Variants in RBM19 observed in about 807,000 individuals in gnomAD.
RBM19 encodes RNA binding motif protein 19.
In RBM19, 94 loss-of-function variants were observed where a neutral mutation model predicts 116.8. The ratio of observed to expected loss-of-function variants is 0.80; its 90% confidence interval spans 0.68 to 0.95. The LOEUF (loss-of-function observed/expected upper bound fraction) is 0.95, where lower values mean the gene tolerates loss of function less well. RBM19 is among the 40% of genes least tolerant of loss of function. RBM19 has a pLI of 0.00. For synonymous variants in RBM19, 475 were observed against 494.1 expected, an observed-to-expected ratio of 0.96 and a Z score of 0.51; for missense variants, 1,161 against 1,220.7, an observed-to-expected ratio of 0.95 and a Z score of 0.73.
intron 13 of RBM19, among the ~76,000 whole-genome samples, chr12:113,945,419 C>T (rs1254385559): frequency 6.6e-6 from 1 of 152,144 alleles, no homozygotes; most frequent in African/African-American, 2.4e-5. Context: ...TGGTGTCCTC[C>T]CACCTCCACC....
chr12:113,879,121 C>G (rs956970438), intron 21 of RBM19, among the ~76,000 whole-genome samples: 12 of 152,150 alleles, frequency 7.9e-5, no homozygotes, highest in Non-Finnish European at 1.6e-4. Context: ...CCCATCCTGC[C>G]CTGGGAGCTT....
chr12:113,965,274 T>A (rs1339553132), intron 1 of RBM19, among the ~76,000 whole-genome samples: 2 of 127,514 alleles, frequency 1.6e-5, no homozygotes, highest in African/African-American at 6.5e-5. Context: ...AGAGCCAGAC[T>A]CCGTTTAAAA....
chr12:113,832,554 C>T (rs1875518406), intron 23 of RBM19, among the ~76,000 whole-genome samples: 1 of 152,224 alleles, frequency 6.6e-6, no homozygotes, highest in South Asian at 2.1e-4. Context: ...CCCACCCAGT[C>T]TCGGCCTTTC....
intron 16 of RBM19, among the ~76,000 whole-genome samples, chr12:113,927,597 A>C (rs576970895): frequency 3.7e-3 from 342 of 92,136 alleles, no homozygotes; most frequent in African/African-American, 0.013. Flanking sequence ...AAAACAAAAA[A>C]AAAAAAACAA....
In RBM19 at chr12:113,857,515, G is replaced by A. The variant is rs190007541; in HGVS notation, c.2664+1276C>T. Among the ~76,000 whole-genome samples, 260 of 152,364 alleles carry A rather than the reference G, an allele frequency of 1.7e-3. 1 individual carries two copies. The highest frequency in any genetic ancestry group is 3.4e-3 in the Middle Eastern group (1 of 294). On this transcript the variant is annotated intron_variant, in intron 22 of 23. Coordinates refer to ENST00000261741, the MANE Select transcript of RBM19 (RefSeq NM_016196.4). The stretch of plus-strand genomic sequence containing the variant: ...GCCCTGAGCCAACACAGGGCACCAC[G>A]TGCCTGCCCCGCTGTGAGGGTGAGG...
At chr12:113,936,124 A>C (rs1478867609) in intron 16 of RBM19, among the ~76,000 whole-genome samples, 3 of 152,368 alleles carry the variant, frequency 2.0e-5, no homozygotes, top group Non-Finnish European at 4.4e-5. Context: ...CCTTTAAAAA[A>C]AAATGAGAAC....
intron 13 of RBM19, among the ~76,000 whole-genome samples, chr12:113,945,066 T>A (rs1870905440): frequency 1.3e-5 from 2 of 152,196 alleles, no homozygotes; most frequent in African/African-American, 2.4e-5. Flanking sequence ...AGAGTTAACA[T>A]TGGAGATTTC....
At position 113,966,275 on chromosome 12, in the gene RBM19, T is replaced by C. The variant is rs1872863866; in HGVS notation, c.-48A>G. The C allele has an allele frequency of 5.6e-6, 9 of 1,609,860 alleles. No homozygotes were observed. The highest frequency in any genetic ancestry group is 7.6e-6 in the Non-Finnish European group (9 of 1,178,822). ...GATTCCAACACGACTGGTCAGCGTC[T>C]TCCACCAAGTTTCACGCTACCGCCC... On this transcript the variant is annotated 5_prime_UTR_variant, in exon 1 of 24. Coordinates refer to ENST00000261741, the MANE Select transcript of RBM19 (RefSeq NM_016196.4).
At chr12:113,865,498 T>C (rs1414737663) in intron 21 of RBM19, among the ~76,000 whole-genome samples, 1 of 152,216 alleles carries the variant, frequency 6.6e-6, no homozygotes, top group Non-Finnish European at 1.5e-5. Flanking sequence ...ATGGCTCTTA[T>C]ACTCTGTTGT....
intron 1 of RBM19, among the ~76,000 whole-genome samples, chr12:113,965,292 AC>A (rs1872779986): frequency 6.7e-6 from 1 of 150,312 alleles, no homozygotes; most frequent in African/African-American, 2.5e-5. Flanking sequence ...AAAAAAAAAA[AC>A]AAAAAAAGAA....
Position 113,959,864 on chromosome 12 carries a change from CCTT to C in RBM19, c.376_378del (p.Lys126del). On this transcript the variant is annotated inframe_deletion and splice_region_variant, in exon 4 of 24. Coordinates refer to ENST00000261741, the MANE Select transcript of RBM19 (RefSeq NM_016196.4). ...CTCCTTGGGCAACAGGACAGACTCA[CCTT>C]CTCCAGTTGACCTGCCACCTTTTTC... 1 of 1,614,172 alleles carries C rather than the reference CCTT, an allele frequency of 6.2e-7. No individual in the cohort carries two copies. The highest frequency in any genetic ancestry group is 8.5e-7 in the Non-Finnish European group (1 of 1,180,024).
intron 2 of RBM19, 22 bp from the exon 3 acceptor site, chr12:113,960,200 T>A: frequency 9.9e-6 from 16 of 1,612,636 alleles, no homozygotes; most frequent in Non-Finnish European, 1.4e-5. Flanking sequence ...AGAGAGTGAT[T>A]TTCACACCTG....
intron 23 of RBM19, among the ~76,000 whole-genome samples, chr12:113,835,097 G>A (rs1002452263): frequency 2.6e-5 from 4 of 152,100 alleles, no homozygotes; most frequent in Non-Finnish European, 4.4e-5. Context: ...AGTGCCGACC[G>A]CACACCTGGC....
At chr12:113,945,043 C>T (rs1870904145) in intron 13 of RBM19, among the ~76,000 whole-genome samples, 1 of 151,998 alleles carries the variant, frequency 6.6e-6, no homozygotes, top group Non-Finnish European at 1.5e-5. Context: ...TATAAATGTA[C>T]AACATGAAGA....
chr12:113,936,091 AT>A (rs386766494), intron 16 of RBM19, among the ~76,000 whole-genome samples: 23,968 of 151,128 alleles, frequency 0.16, 2,506 homozygotes, highest in African/African-American at 0.3. Flanking sequence ...GTTCCTCCCC[AT>A]TTTTTTTTAA....
chr12:113,854,104 C>T (rs1428385774), intron 22 of RBM19, among the ~76,000 whole-genome samples: 1 of 152,122 alleles, frequency 6.6e-6, no homozygotes, highest in East Asian at 1.9e-4. Flanking sequence ...TTTTTCCCAG[C>T]TCTGCCAAGT....
chr12:113,860,511 C>T (rs561281709), intron 21 of RBM19, among the ~76,000 whole-genome samples: 3 of 152,316 alleles, frequency 2.0e-5, no homozygotes, highest in Non-Finnish European at 2.9e-5. Flanking sequence ...ATGGCACATC[C>T]GGCAGCTAAG....
In RBM19 at chr12:113,903,635, C is replaced by G. The variant is rs769873256; in HGVS notation, c.2558+11334G>C. On this transcript the variant is annotated intron_variant, in intron 21 of 23. Transcript: ENST00000261741. The surrounding 1 kb of genome is among the most constrained non-coding windows in gnomAD (Gnocchi z 5.1). ...CATCATTGTCAGCATTTTGTGTCAC[C>G]ACTATTTTTTATTTTAGCCATCCTG... 5.9e-5 allele frequency among the ~76,000 whole-genome samples: 9 copies of G among 152,198 alleles called. No individual in the cohort carries two copies. The highest frequency in any genetic ancestry group is 1.2e-4 in the Non-Finnish European group (8 of 68,040).
chr12:113,935,612 C>T (rs535488853), intron 16 of RBM19, among the ~76,000 whole-genome samples: 1 of 152,332 alleles, frequency 6.6e-6, no homozygotes, highest in South Asian at 2.1e-4. Context: ...CTGATTGAAA[C>T]AGGCCTCCAG....
Sources: gnomAD v4.1 joint callset for allele counts (sites outside exome capture counted in the v4.1 genomes callset) on GRCh38, gnomAD v4.1.1 for gene constraint, Gnocchi (gnomAD v3.1) non-coding constraint, MANE v1.5 for transcripts, NCBI Gene and HGNC (gene_info 2026-07-23, HGNC 2026-07-21) for gene names.